The following UNC5C variants were observed in gnomAD, a reference collection of about 807,000 sequenced individuals.
UNC5C encodes the protein unc-5 netrin receptor C, also known as netrin receptor UNC5C.
A neutral mutation model predicts 99.8 loss-of-function variants in UNC5C; 47 were observed. The ratio of observed to expected loss-of-function variants is 0.47; its 90% CI spans 0.37 to 0.60. The LOEUF (loss-of-function observed/expected upper bound fraction) is 0.60, where lower values mean the gene tolerates loss of function less well. Among genes scored for constraint, UNC5C ranks in the 20% least tolerant of loss-of-function variants. UNC5C has a pLI of 0.00. For synonymous variants in UNC5C, 487 were observed against 452.2 expected (o/e 1.08, Z -0.98); for missense variants, 1,062 against 1,165.9 (o/e 0.91, Z 1.30).
intron 1 of UNC5C, among the ~76,000 whole-genome samples, chr4:95,478,720 A>G (rs894935277): frequency 1.1e-4 from 16 of 152,046 alleles, no homozygotes; most frequent in African/African-American, 3.4e-4. Flanking sequence ...AATCCAGGTT[A>G]TAGTTTATTT....
At chr4:95,543,587 T>C (rs1722979724) in intron 1 of UNC5C, among the ~76,000 whole-genome samples, 1 of 152,214 alleles carries the variant, frequency 6.6e-6, no homozygotes, top group Non-Finnish European at 1.5e-5. Context: ...GAGTATATAC[T>C]TGTGTCCATT....
chr4:95,417,968 G>A (rs770029930), intron 1 of UNC5C, among the ~76,000 whole-genome samples: 1 of 152,112 alleles, frequency 6.6e-6, no homozygotes, highest in African/African-American at 2.4e-5. Context: ...GCTGTATTTT[G>A]TTCCAAAGAA....
At chr4:95,521,782 A>G (rs527293899) in intron 1 of UNC5C, among the ~76,000 whole-genome samples, 1 of 152,358 alleles carries the variant, frequency 6.6e-6, no homozygotes, top group Non-Finnish European at 1.5e-5. Context: ...AAATGACTGT[A>G]TATTTTTTAA....
At chr4:95,285,260 GAT>G (rs1477748954) in intron 3 of UNC5C, among the ~76,000 whole-genome samples, 1 of 152,110 alleles carries the variant, frequency 6.6e-6, no homozygotes, top group Non-Finnish European at 1.5e-5. Context: ...GTGATAGACT[GAT>G]ATTATGAAGC....
intron 12 of UNC5C, among the ~76,000 whole-genome samples, chr4:95,191,111 A>G (rs565524717): frequency 1.2e-4 from 18 of 152,246 alleles, no homozygotes; most frequent in African/African-American, 4.3e-4. Context: ...CCCCTCGTTA[A>G]GGCTTGACAG....
intron 1 of UNC5C, among the ~76,000 whole-genome samples, chr4:95,451,463 A>T (rs1051384341): frequency 6.6e-6 from 1 of 152,224 alleles, no homozygotes. Flanking sequence ...TCGATATCTT[A>T]ACCATAAGTC....
chr4:95,410,963 G>C (rs1745969087), intron 1 of UNC5C, among the ~76,000 whole-genome samples: 3 of 152,176 alleles, frequency 2.0e-5, no homozygotes, highest in Admixed American at 2.0e-4. Context: ...AATTTGTCAG[G>C]AAAGGGACAA....
intron 1 of UNC5C, among the ~76,000 whole-genome samples, chr4:95,454,482 A>T (rs1231900760): frequency 6.6e-6 from 1 of 152,144 alleles, no homozygotes; most frequent in Non-Finnish European, 1.5e-5. Context: ...CTGTGATTAC[A>T]TATGAGTATT....
At chr4:95,356,214 A>AAAAAAAAAAC (rs1744191187) in intron 1 of UNC5C, among the ~76,000 whole-genome samples, 2 of 54,280 alleles carry the variant, frequency 3.7e-5, no homozygotes, top group African/African-American at 9.3e-5. Flanking sequence ...AAAAAAAAAC[A>AAAAAAAAAAC]AAACAAAAAA....
chr4:95,493,369 G>T (rs1451535458), intron 1 of UNC5C, among the ~76,000 whole-genome samples: 4 of 151,472 alleles, frequency 2.6e-5, no homozygotes, highest in Admixed American at 2.0e-4. Flanking sequence ...CGGAATTCAT[G>T]GTTGGAAAGA....
chr4:95,330,624 T>C (rs1743074707), intron 2 of UNC5C, among the ~76,000 whole-genome samples: 1 of 152,140 alleles, frequency 6.6e-6, no homozygotes, highest in Admixed American at 6.6e-5. Flanking sequence ...AAAGATTTTT[T>C]TTCTTTTAAA....
chr4:95,398,453 T>G (rs1745590340), intron 1 of UNC5C, among the ~76,000 whole-genome samples: 1 of 152,120 alleles, frequency 6.6e-6, no homozygotes, highest in Non-Finnish European at 1.5e-5. Context: ...ATTCATTCAT[T>G]CATTCAACAA....
chr4:95,454,502 G>T (rs987782001), intron 1 of UNC5C, among the ~76,000 whole-genome samples: 6 of 152,024 alleles, frequency 3.9e-5, no homozygotes, highest in South Asian at 2.1e-4. Context: ...TCTCCAAAAC[G>T]TTATTTTCTA....
chr4:95,180,015 C>T (rs965976086), intron 14 of UNC5C, among the ~76,000 whole-genome samples: 30 of 149,696 alleles, frequency 2.0e-4, no homozygotes, highest in African/African-American at 6.6e-4. Flanking sequence ...ACCCCCCCCA[C>T]GGATTGAAGT....
At chr4:95,254,035 C>G (rs1739857584) in intron 4 of UNC5C, among the ~76,000 whole-genome samples, 1 of 152,048 alleles carries the variant, frequency 6.6e-6, no homozygotes, top group South Asian at 2.1e-4. Context: ...TGTTGATTTC[C>G]CAAATCCAAT....
chr4:95,266,709 G>A (rs2149389005), intron 4 of UNC5C, among the ~76,000 whole-genome samples: 1 of 152,266 alleles, frequency 6.6e-6, no homozygotes, highest in East Asian at 1.9e-4. Context: ...CTTTTGAGTA[G>A]CAACTCCAGC....
At position 95,183,016 on chromosome 4, in the gene UNC5C, G is replaced by A. The variant is rs1736679960; in HGVS notation, c.2332C>T (p.His778Tyr). The change falls in exon 14 of 16, where the codon CAC becomes TAC. Residue 778 changes from histidine (H) to tyrosine (Y), a missense_variant. Physicochemically the swap from His to Tyr is moderately conservative, Grantham distance 83 (BLOSUM62 2). This residue lies in a region of UNC5C where 810 missense variants were observed against 854.5 expected (regional missense o/e 0.95). Coordinates refer to ENST00000453304, the MANE Select transcript of UNC5C (RefSeq NM_003728.4). ...HVWSGSQRNLHCTFTLERFSL... is the reference protein window; with the variant it reads ...HVWSGSQRNLYCTFTLERFSL... The stretch of plus-strand genomic sequence containing the variant: ...AATCTTTCCAGAGTGAAGGTGCAGT[G>A]CAGGTTTCTTTGAGATCCACTCCAA... 2 of 1,612,372 alleles carry A rather than the reference G, an allele frequency of 1.2e-6. No individual in the cohort carries two copies. Among genetic ancestry groups the A allele is most frequent in the Non-Finnish European group, 1.7e-6 (2 of 1,178,662 alleles).
chr4:95,481,558 C>G (rs1364724788), intron 1 of UNC5C, among the ~76,000 whole-genome samples: 3 of 152,054 alleles, frequency 2.0e-5, no homozygotes, highest in African/African-American at 7.2e-5. Flanking sequence ...CCAAGTCAAT[C>G]CTAAGCCAAA....
chr4:95,238,712 C>G (rs1045671752), intron 7 of UNC5C, among the ~76,000 whole-genome samples: 9 of 152,116 alleles, frequency 5.9e-5, no homozygotes, highest in African/African-American at 2.2e-4. Context: ...GTTTTATTCT[C>G]TCTTTTACAT....
Sources: allele counts gnomAD v4.1 joint callset (sites outside exome capture counted in the v4.1 genomes callset), GRCh38; gene constraint gnomAD v4.1.1; regional missense constraint gnomAD v4.1.1; transcripts MANE v1.5; gene names NCBI Gene and HGNC (gene_info 2026-07-23, HGNC 2026-07-21).